The following CNTN4 variants were observed in gnomAD, a reference collection of about 807,000 sequenced individuals.
CNTN4 encodes contactin 4.
Under a neutral mutation model 122.5 loss-of-function variants are expected in CNTN4, and 77 were observed. That is an observed-to-expected ratio of 0.63 (90% CI 0.52 to 0.76). The LOEUF (loss-of-function observed/expected upper bound fraction) is 0.76, where lower values mean the gene tolerates loss of function less well. CNTN4 is among the 30% of genes least tolerant of loss of function. The pLI is 0.00. For missense variants in CNTN4, 1,256 were observed against 1,259.1 expected (o/e 1.00, Z 0.04); for synonymous variants, 512 against 447.0 (o/e 1.15, Z -1.83).
intron 13 of CNTN4, among the ~76,000 whole-genome samples, chr3:2,945,483 C>G (rs1485937900): frequency 1.3e-5 from 2 of 152,116 alleles, no homozygotes; most frequent in African/African-American, 4.8e-5. Flanking sequence ...TTTATGAATT[C>G]CCTTTTTCCT....
chr3:2,156,615 T>G (rs578112392), intron 2 of CNTN4, among the ~76,000 whole-genome samples: 2 of 152,186 alleles, frequency 1.3e-5, no homozygotes, highest in Non-Finnish European at 2.9e-5. Context: ...TGCATAAGTC[T>G]GTAAGATCCG....
chr3:2,246,954 TA>T (rs1282118588), intron 2 of CNTN4, among the ~76,000 whole-genome samples: 3 of 152,006 alleles, frequency 2.0e-5, no homozygotes, highest in Non-Finnish European at 2.9e-5. Flanking sequence ...AACATACACA[TA>T]GAGACAAGAA....
intron 3 of CNTN4, among the ~76,000 whole-genome samples, chr3:2,430,035 G>T (rs547756764): frequency 4.6e-5 from 7 of 152,188 alleles, no homozygotes; most frequent in Admixed American, 3.9e-4. Flanking sequence ...GTGATGCCTC[G>T]CTCTGCTTCA....
chr3:2,131,026 A>AATTCC, intron 2 of CNTN4, among the ~76,000 whole-genome samples: 1 of 152,190 alleles, frequency 6.6e-6, no homozygotes, highest in East Asian at 1.9e-4. Flanking sequence ...ATAAGGGATT[A>AATTCC]TGGACCTGTA....
intron 3 of CNTN4, among the ~76,000 whole-genome samples, chr3:2,364,451 A>C (rs1405671401): frequency 2.0e-5 from 3 of 152,138 alleles, no homozygotes; most frequent in Admixed American, 6.5e-5. Context: ...AAGGGGTCCT[A>C]CTGGAATCTT....
chr3:2,402,525 A>G (rs2046894374), intron 3 of CNTN4, among the ~76,000 whole-genome samples: 1 of 152,058 alleles, frequency 6.6e-6, no homozygotes, highest in Non-Finnish European at 1.5e-5. Context: ...CATCACCTCA[A>G]TTTCCTGTCC....
intron 3 of CNTN4, among the ~76,000 whole-genome samples, chr3:2,496,388 C>T (rs2076451257): frequency 6.6e-6 from 1 of 152,090 alleles, no homozygotes; most frequent in Non-Finnish European, 1.5e-5. Flanking sequence ...TCTCTTTCTC[C>T]ACAAAGTTCA....
chr3:3,026,724 G>A (rs184083890), intron 15 of CNTN4, among the ~76,000 whole-genome samples: 29 of 152,250 alleles, frequency 1.9e-4, no homozygotes, highest in African/African-American at 6.5e-4. Context: ...TAGAAGGCAC[G>A]TCATTGTGAA....
chr3:2,099,092 G>C (rs1396646472), intron 1 of CNTN4, 114 bp downstream of exon 1: 3 of 152,244 alleles, frequency 2.0e-5, no homozygotes, highest in Non-Finnish European at 4.4e-5. Context: ...TTGCCCGAAG[G>C]ACAGGGGCGC....
At chr3:2,842,533 C>T (rs2093381020) in intron 7 of CNTN4, among the ~76,000 whole-genome samples, 2 of 152,278 alleles carry the variant, frequency 1.3e-5, no homozygotes, top group South Asian at 4.1e-4. Flanking sequence ...TAAGAAACTC[C>T]CACTGCTCAA....
chr3:2,240,303 G>A, intron 2 of CNTN4, among the ~76,000 whole-genome samples: 1 of 152,090 alleles, frequency 6.6e-6, no homozygotes, highest in South Asian at 2.1e-4. Context: ...TAGTTAAAAC[G>A]AAATCTTACC....
In CNTN4 at chr3:2,185,978, C is replaced by T. The variant is rs542755632; in HGVS notation, c.-145+85339C>T. On this transcript the variant is annotated intron_variant, in intron 2 of 24. Transcript: ENST00000418658. ...TAAGTTCTAGGGTACATGTGCACAA[C>T]GTGCAGGTTTATTACATATGTATAC... Among the ~76,000 whole-genome samples, 8 of 151,890 alleles carry T rather than the reference C, an allele frequency of 5.3e-5. No individual in the cohort carries two copies. In the South Asian group the frequency reaches 6.2e-4, roughly 12 times the overall value.
chr3:3,035,940 A>C (rs1223768207), intron 17 of CNTN4, among the ~76,000 whole-genome samples: 2 of 152,122 alleles, frequency 1.3e-5, no homozygotes. Context: ...AAAAAAAAAA[A>C]ACATTGTTAG....
At chr3:2,876,714 T>C (rs1258091716) in intron 8 of CNTN4, among the ~76,000 whole-genome samples, 2 of 152,206 alleles carry the variant, frequency 1.3e-5, no homozygotes, top group Non-Finnish European at 2.9e-5. Context: ...TCTGTGTTCT[T>C]ACAGACATCA....
At chr3:2,414,378 T>G (rs2047337662) in intron 3 of CNTN4, among the ~76,000 whole-genome samples, 1 of 152,144 alleles carries the variant, frequency 6.6e-6, no homozygotes, top group Non-Finnish European at 1.5e-5. Flanking sequence ...CATATAAGCC[T>G]AAAAAGTACA....
At chr3:2,338,034 T>C (rs1344094211) in intron 2 of CNTN4, among the ~76,000 whole-genome samples, 1 of 152,090 alleles carries the variant, frequency 6.6e-6, no homozygotes, top group Non-Finnish European at 1.5e-5. Context: ...TGGTGATGTA[T>C]TTGTGATTCA....
intron 6 of CNTN4, among the ~76,000 whole-genome samples, chr3:2,771,954 A>C (rs1223225200): frequency 2.0e-5 from 3 of 152,204 alleles, no homozygotes; most frequent in Non-Finnish European, 2.9e-5. Context: ...CGACAAGAAC[A>C]GCAAAGCCTG....
At chr3:2,143,014 C>A (rs536377275) in intron 2 of CNTN4, among the ~76,000 whole-genome samples, 1 of 152,184 alleles carries the variant, frequency 6.6e-6, no homozygotes, top group Admixed American at 6.5e-5. Context: ...TGGATTCAAA[C>A]GTATGTCATG....
chr3:2,415,918 T>C (rs1256134907), intron 3 of CNTN4, among the ~76,000 whole-genome samples: 4 of 152,192 alleles, frequency 2.6e-5, no homozygotes, highest in African/African-American at 9.7e-5. Context: ...ACCAAAGTTA[T>C]AACCTACATT....
Sources: gnomAD v4.1 joint callset for allele counts (sites outside exome capture counted in the v4.1 genomes callset) on GRCh38, gnomAD v4.1.1 for gene constraint, MANE v1.5 for transcripts, NCBI Gene and HGNC (gene_info 2026-07-23, HGNC 2026-07-21) for gene names.